The following AFF2 variants were observed in gnomAD, a reference collection of about 807,000 sequenced individuals.
AFF2 encodes the protein ALF transcription elongation factor 2, also known as AF4/FMR2 family member 2.
AFF2 carries 14 observed loss-of-function variants against 76.9 expected under a neutral mutation model. The observed-to-expected ratio is 0.18, with a 90% CI of 0.12 to 0.28. The LOEUF (loss-of-function observed/expected upper bound fraction) is 0.28, where lower values mean the gene tolerates loss of function less well. Ranked by LOEUF, AFF2 falls within the 10% of genes least tolerant of loss-of-function variation. The probability of loss-of-function intolerance (pLI) is 1.00; values close to 1 mark genes in which losing one functional copy is unlikely to be tolerated. For synonymous variants in AFF2, 398 were observed against 366.7 expected (o/e 1.09, Z -0.98); for missense variants, 868 against 1,001.1 (o/e 0.87, Z 1.79).
chrX:148,603,739 T>G (rs1284806740), intron 1 of AFF2, among the ~76,000 whole-genome samples: 1 of 106,914 alleles, frequency 9.4e-6, no homozygotes, highest in African/African-American at 3.4e-5. Context: ...AGCATTTTTG[T>G]TTTTTTTTTC....
At chrX:148,734,814 T>C (rs2055266466) in intron 3 of AFF2, among the ~76,000 whole-genome samples, 1 of 111,950 alleles carries the variant, frequency 8.9e-6, no homozygotes, top group Non-Finnish European at 1.9e-5. Context: ...TTTGTGTACC[T>C]TCAACTGGTT....
chrX:148,640,841 C>T (rs2054081208), intron 1 of AFF2, among the ~76,000 whole-genome samples: 1 of 111,893 alleles, frequency 8.9e-6, no homozygotes, highest in Non-Finnish European at 1.9e-5. Context: ...TATTGTTTTC[C>T]TTCCAGTGTT....
intron 1 of AFF2, among the ~76,000 whole-genome samples, chrX:148,648,370 G>A (rs2054164846): frequency 9.1e-6 from 1 of 109,303 alleles, no homozygotes; most frequent in Non-Finnish European, 1.9e-5. Context: ...AGACCAGCCT[G>A]GTCAACATGG....
intron 9 of AFF2, among the ~76,000 whole-genome samples, chrX:148,923,850 A>G (rs146898398): frequency 9.0e-6 from 1 of 111,702 alleles, no homozygotes; most frequent in Non-Finnish European, 1.9e-5. Flanking sequence ...CTCTGATTGC[A>G]TGTGTTTATG....
intron 4 of AFF2, among the ~76,000 whole-genome samples, chrX:148,813,722 A>C (rs2070231162): frequency 8.9e-6 from 1 of 112,380 alleles, no homozygotes; most frequent in Admixed American, 9.4e-5. Context: ...ATCTGAATTC[A>C]TTCTTATTTA....
At chrX:148,584,790 C>T (rs2053450178) in intron 1 of AFF2, among the ~76,000 whole-genome samples, 1 of 110,496 alleles carries the variant, frequency 9.1e-6, no homozygotes. Context: ...CCGCCCGCCT[C>T]GGCCTCCCAT....
At chrX:148,796,498 C>T (rs1377157378) in intron 3 of AFF2, among the ~76,000 whole-genome samples, 7 of 112,121 alleles carry the variant, frequency 6.2e-5, no homozygotes, top group Admixed American at 4.7e-4. Flanking sequence ...CATTGGAAAC[C>T]GGGCTTCGAC....
intron 9 of AFF2, among the ~76,000 whole-genome samples, chrX:148,932,509 T>C (rs782467591): frequency 2.7e-5 from 3 of 112,028 alleles, no homozygotes; most frequent in African/African-American, 9.7e-5. Flanking sequence ...TACCTGAGCC[T>C]CAGTGTCTGG....
At chrX:148,930,783 T>C (rs1385439553) in intron 9 of AFF2, among the ~76,000 whole-genome samples, 1 of 112,421 alleles carries the variant, frequency 8.9e-6, no homozygotes, top group Non-Finnish European at 1.9e-5. Flanking sequence ...AACACAGTGC[T>C]CCTGGTCCCA....
At chrX:148,979,419 C>T (rs782721682) in intron 18 of AFF2, among the ~76,000 whole-genome samples, 6 of 111,873 alleles carry the variant, frequency 5.4e-5, no homozygotes, top group Non-Finnish European at 1.1e-4. Context: ...TCATATACAA[C>T]AGGCCCTCTT....
intron 9 of AFF2, among the ~76,000 whole-genome samples, chrX:148,905,448 C>T (rs782748293): frequency 1.8e-5 from 2 of 112,216 alleles, no homozygotes; most frequent in South Asian, 3.7e-4. Flanking sequence ...ATTTCTTTTC[C>T]GTCTGAATGC....
At chrX:148,815,828 G>A (rs1333938723) in intron 4 of AFF2, among the ~76,000 whole-genome samples, 1 of 111,576 alleles carries the variant, frequency 9.0e-6, no homozygotes, top group Non-Finnish European at 1.9e-5. Flanking sequence ...CAGAGAATGA[G>A]CAAGAGTAGC....
chrX:148,680,498 G>A (rs1557259836), intron 3 of AFF2, among the ~76,000 whole-genome samples: 1 of 111,007 alleles, frequency 9.0e-6, no homozygotes, highest in Non-Finnish European at 1.9e-5. Flanking sequence ...ATCAAGAGTA[G>A]GAGTAAGCGT....
intron 4 of AFF2, among the ~76,000 whole-genome samples, chrX:148,835,934 C>T (rs1172450352): frequency 9.0e-6 from 1 of 111,382 alleles, no homozygotes; most frequent in African/African-American, 3.3e-5. Context: ...ACTCTTATAC[C>T]AACAGCTCCC....
At chrX:148,795,208 C>T (rs2069952038) in intron 3 of AFF2, among the ~76,000 whole-genome samples, 1 of 111,411 alleles carries the variant, frequency 9.0e-6, no homozygotes, top group Non-Finnish European at 1.9e-5. Flanking sequence ...TATATAAATT[C>T]CCTCATTCCC....
At chrX:148,806,217 G>A (rs1023153970) in intron 3 of AFF2, among the ~76,000 whole-genome samples, 2 of 112,406 alleles carry the variant, frequency 1.8e-5, no homozygotes, top group Non-Finnish European at 3.8e-5. Context: ...GAGAGAAAGA[G>A]AAAGAGAGTG....
chrX:148,645,083 AAG>A (rs2054131979), intron 1 of AFF2, among the ~76,000 whole-genome samples: 2 of 104,194 alleles, frequency 1.9e-5, no homozygotes, highest in African/African-American at 3.5e-5. Flanking sequence ...GAGTCTATAG[AAG>A]AAAATTTGTA....
rs782710789 is a variant in AFF2 at position 148,962,334 on chromosome X, C to T, written c.2691-381C>T. Among the ~76,000 whole-genome samples, 14 of 112,094 alleles carry T rather than the reference C, an allele frequency of 1.2e-4. No individual in the cohort carries two copies. In the South Asian group the frequency reaches 5.2e-3, roughly 42 times the overall value. ...AGTCCTAGGGCAAAATAAGTAGGAA[C>T]CATCCTGAAAAATGATGGGATTAAA... On this transcript the variant is annotated intron_variant, in intron 12 of 20. Transcript: ENST00000370460.
intron 9 of AFF2, among the ~76,000 whole-genome samples, chrX:148,934,449 T>C (rs1414314091): frequency 8.9e-6 from 1 of 112,383 alleles, no homozygotes; most frequent in Non-Finnish European, 1.9e-5. Flanking sequence ...TTCTGCCACG[T>C]TGCTATGAAA....
Sources: gnomAD v4.1 joint callset for allele counts (sites outside exome capture counted in the v4.1 genomes callset) on GRCh38, gnomAD v4.1.1 for gene constraint, MANE v1.5 for transcripts, NCBI Gene and HGNC (gene_info 2026-07-23, HGNC 2026-07-21) for gene names.